Variants in PHF14 observed in about 807,000 individuals in gnomAD.
PHF14 encodes PHD finger protein 14.
A neutral mutation model predicts 117.9 loss-of-function variants in PHF14; 55 were observed. The ratio of observed to expected loss-of-function variants is 0.47; its 90% CI spans 0.38 to 0.58. PHF14 has a LOEUF of 0.58. Among genes scored for constraint, PHF14 ranks in the 20% least tolerant of loss-of-function variants. The pLI is 0.00. For synonymous variants in PHF14, 409 were observed against 368.6 expected, an observed-to-expected ratio of 1.11 and a Z score of -1.26; for missense variants, 978 against 1,122.2, an observed-to-expected ratio of 0.87 and a Z score of 1.84.
At chr7:11,035,253 G>C (rs185766803) in intron 7 of PHF14, among the ~76,000 whole-genome samples, 81 of 152,176 alleles carry the variant, frequency 5.3e-4, no homozygotes, top group African/African-American at 1.8e-3. Context: ...ATGTAAACTA[G>C]ATGCAAATAC....
rs376402803 is a variant in PHF14 at position 11,037,840 on chromosome 7, A to T, written c.1980+749A>T. On this transcript the variant is annotated intron_variant, in intron 10 of 17. Transcript: ENST00000634607. ...GAGTACTTGGAATTAGATTCAGAGG[A>T]CCTGGGGATTCTTGCTAGTTCTGTG... Among the ~76,000 whole-genome samples, 7 of 152,288 alleles carry T rather than the reference A, an allele frequency of 4.6e-5. No individual in the cohort carries two copies. In the South Asian group the frequency reaches 1.2e-3, roughly 27 times the overall value.
At position 10,990,849 on chromosome 7, in the gene PHF14, T is replaced by G; in HGVS notation, c.1045+2T>G. 6.4e-7 allele frequency: 1 copy of G among 1,572,044 alleles called. No individual in the cohort carries two copies. The highest frequency in any genetic ancestry group is 8.6e-7 in the Non-Finnish European group (1 of 1,156,956). ...ATTGTGGCATTACAGTCCATGAAGG[T>G]AATGTTGCTTTCTTTTCTCTCTTTT... On this transcript the variant is annotated splice_donor_variant, in intron 4 of 17. Transcript: ENST00000634607. LOFTEE classifies it high-confidence loss of function.
At chr7:11,143,134 A>G (rs368102377) in intron 17 of PHF14, among the ~76,000 whole-genome samples, 1 of 152,220 alleles carries the variant, frequency 6.6e-6, no homozygotes, top group Admixed American at 6.6e-5. Context: ...GGCTTTTTCA[A>G]CAATGGAAAA....
chr7:11,106,772 G>A (rs896678942), intron 16 of PHF14: 58 of 984,178 alleles, frequency 5.9e-5, no homozygotes, highest in Non-Finnish European at 6.9e-5. Flanking sequence ...TTTTTACACA[G>A]AAATGAAAAA....
chr7:11,040,697 G>T lies in PHF14; in HGVS notation c.2102G>T (p.Arg701Leu). The stretch of plus-strand genomic sequence containing the variant: ...AAGTTGAATATACCGGCAATTTTGC[G>T]AGCACCCAAGGAGAGAAAACCAAGT... ...GQKLNIPAIL[R>L]APKERKPSKK... The change falls in exon 12 of 18, where the codon CGA becomes CTA. Residue 701 changes from arginine to leucine, a missense_variant. Coordinates refer to ENST00000634607, the MANE Select transcript of PHF14 (RefSeq NM_001007157.2). 6.4e-7 allele frequency: 1 copy of T among 1,560,358 alleles called. No homozygotes were observed. Among genetic ancestry groups the T allele is most frequent in the South Asian group, 1.2e-5 (1 of 83,210 alleles).
intron 4 of PHF14, among the ~76,000 whole-genome samples, chr7:10,992,523 C>T (rs544114774): frequency 5.6e-4 from 85 of 151,672 alleles, no homozygotes; most frequent in Admixed American, 8.5e-4. Context: ...ATTAGCCGGG[C>T]GTGGTGGCTT....
At chr7:11,066,734 A>G (rs774744989) in intron 16 of PHF14, among the ~76,000 whole-genome samples, 6 of 152,194 alleles carry the variant, frequency 3.9e-5, no homozygotes, top group Non-Finnish European at 5.9e-5. Flanking sequence ...GGCTTTTTCA[A>G]TGTGGGCTTA....
intron 16 of PHF14, chr7:11,103,542 A>G (rs932601506): frequency 2.0e-5 from 20 of 985,186 alleles, no homozygotes; most frequent in African/African-American, 7.0e-5. Flanking sequence ...TCATCACTCA[A>G]TCTTGAACTG....
chr7:11,046,515 T>C (rs1784669234), intron 13 of PHF14, among the ~76,000 whole-genome samples: 1 of 152,220 alleles, frequency 6.6e-6, no homozygotes, highest in East Asian at 1.9e-4. Context: ...CCTTTGTTTT[T>C]CTTGATAATT....
In PHF14 at chr7:11,062,934, C is replaced by T. The variant is rs374285263; in HGVS notation, c.2654+849C>T. 12 of 974,658 alleles carry T rather than the reference C, an allele frequency of 1.2e-5. No homozygotes were observed. In the East Asian group the frequency reaches 3.4e-4, roughly 28 times the overall value. The allele number at this position is 974,658 out of a possible 1,614,324, so 60.4% of individuals were successfully genotyped here. A position where few individuals can be genotyped will look rare whatever the true frequency, so the allele number is the denominator to read the frequency against. On this transcript the variant is annotated intron_variant, in intron 16 of 17. Coordinates refer to ENST00000634607, the MANE Select transcript of PHF14 (RefSeq NM_001007157.2). ...TTAAAAAATTGTCTTCTGGTAAAGC[C>T]CTGTTAAATTAACTGAGGACACAGA...
At chr7:11,016,316 G>T (rs115452004) in intron 5 of PHF14, among the ~76,000 whole-genome samples, 1,797 of 152,122 alleles carry the variant, frequency 0.012, 39 homozygotes, top group African/African-American at 0.041. Flanking sequence ...AAGCCTTTTA[G>T]TATATGAGCT....
chr7:11,069,599 TTCCCTCCC>T (rs1209638683), intron 16 of PHF14, among the ~76,000 whole-genome samples: 6 of 145,132 alleles, frequency 4.1e-5, no homozygotes, highest in East Asian at 2.1e-4. Context: ...TGTGAACGTA[TTCCCTCCC>T]TCCCTCCCTC....
chr7:10,991,605 T>A (rs772884184), intron 4 of PHF14, among the ~76,000 whole-genome samples: 4 of 152,088 alleles, frequency 2.6e-5, no homozygotes, highest in Non-Finnish European at 5.9e-5. Context: ...CCACCGCACC[T>A]GGTCCCCCAG....
At chr7:11,032,545 A>G (rs949480582) in intron 7 of PHF14, among the ~76,000 whole-genome samples, 1 of 152,042 alleles carries the variant, frequency 6.6e-6, no homozygotes, top group Non-Finnish European at 1.5e-5. Context: ...CATGGCATCT[A>G]GAGGACCACA....
At chr7:10,993,972 G>A (rs1782545873) in intron 4 of PHF14, among the ~76,000 whole-genome samples, 1 of 150,034 alleles carries the variant, frequency 6.7e-6, no homozygotes, top group Non-Finnish European at 1.5e-5. Context: ...TTGCGCCAGT[G>A]CACTTTGGCC....
intron 5 of PHF14, among the ~76,000 whole-genome samples, chr7:11,015,677 A>G (rs1174606780): frequency 6.6e-6 from 1 of 152,196 alleles, no homozygotes; most frequent in African/African-American, 2.4e-5. Context: ...ATGAGAAACA[A>G]CTAGCAGTTT....
chr7:11,104,049 A>T, intron 16 of PHF14: 1 of 984,754 alleles, frequency 1.0e-6, no homozygotes, highest in Non-Finnish European at 1.2e-6. Context: ...AGTGGAATAT[A>T]CTAATCCATT....
rs751719113 is a variant in PHF14, at chr7:10,982,477, A to G, written c.218A>G (p.Asp73Gly). The change falls in exon 3 of 18, where the codon GAT (aspartate) becomes GGT (glycine). Residue 73 changes from aspartate (D) to glycine (G), a missense_variant. Around this residue, in one of 7 missense-constraint regions of PHF14, gnomAD observed 414 missense variants for 376.4 expected, o/e 1.10. Coordinates refer to ENST00000634607, the MANE Select transcript of PHF14 (RefSeq NM_001007157.2). ...ENILEEELNEDIKVKEEQLKN... is the reference protein window; with the variant it reads ...ENILEEELNEGIKVKEEQLKN... ...ATTTTAGAAGAAGAACTGAATGAAGATATTAAAGTAAAAGAAGAACAACTT... is the reference window on the plus strand; with the variant it reads ...ATTTTAGAAGAAGAACTGAATGAAGGTATTAAAGTAAAAGAAGAACAACTT... 1 of 1,583,582 alleles carries G rather than the reference A, an allele frequency of 6.3e-7. No individual in the cohort carries two copies. Among genetic ancestry groups the G allele is most frequent in the Admixed American group, 1.7e-5 (1 of 58,684 alleles).
chr7:11,068,953 T>A (rs910859999), intron 16 of PHF14, among the ~76,000 whole-genome samples: 2 of 152,204 alleles, frequency 1.3e-5, no homozygotes, highest in African/African-American at 4.8e-5. Flanking sequence ...ATTACATGCA[T>A]TTTTAAGAAT....
Sources: allele counts gnomAD v4.1 joint callset (sites outside exome capture counted in the v4.1 genomes callset), GRCh38; gene constraint gnomAD v4.1.1; regional missense constraint gnomAD v4.1.1; transcripts MANE v1.5; gene names NCBI Gene and HGNC (gene_info 2026-07-23, HGNC 2026-07-21).